ADGRV1: variants seen among roughly 807,000 people sequenced by gnomAD.
ADGRV1 encodes the protein adhesion G protein-coupled receptor V1.
A neutral mutation model predicts 596.2 loss-of-function variants in ADGRV1; 359 were observed. The ratio of observed to expected loss-of-function variants is 0.60; its 90% confidence interval spans 0.55 to 0.66. ADGRV1 has a LOEUF of 0.66. ADGRV1 is among the 30% of genes least tolerant of loss of function. The pLI, the probability that ADGRV1 is intolerant of heterozygous loss-of-function variation, is 0.00. For synonymous variants in ADGRV1, 2,681 were observed against 2,679.2 expected, an observed-to-expected ratio of 1.00 and a Z score of -0.02; for missense variants, 7,274 against 7,575.6, an observed-to-expected ratio of 0.96 and a Z score of 1.48.
At chr5:91,065,236 C>T (rs956244356) in intron 85 of ADGRV1, among the ~76,000 whole-genome samples, 1 of 152,192 alleles carries the variant, frequency 6.6e-6, no homozygotes, top group Non-Finnish European at 1.5e-5. Flanking sequence ...ACAAATGTAT[C>T]TTTTAATGTA....
At chr5:91,062,871 C>A (rs1787561838) in intron 85 of ADGRV1, among the ~76,000 whole-genome samples, 1 of 151,590 alleles carries the variant, frequency 6.6e-6, no homozygotes, top group African/African-American at 2.4e-5. Context: ...TGGCTCCCTA[C>A]CAAAGAGATG....
chr5:90,614,896 T>G lies in ADGRV1; in HGVS notation c.84T>G (p.Phe28Leu), dbSNP rs1251638958. Reference sequence around the variant, plus strand: ...CAGCTTTACTCATCCTATTTGTGTTTGGAGAAACAGAAATAAGATTTACTG... The same window carrying G: ...CAGCTTTACTCATCCTATTTGTGTTGGGAGAAACAGAAATAAGATTTACTG... ...LLSALLILFV[F>L]GETEIRFTGQ... is the part of the protein sequence containing the mutation. Residue 28 changes from phenylalanine to leucine, a missense_variant, in exon 2 of 90, where the codon TTT (phenylalanine) becomes TTG (leucine). Transcript: ENST00000405460. 3.1e-6 allele frequency: 5 copies of G among 1,609,866 alleles called. No homozygotes were observed. Among genetic ancestry groups the G allele is most frequent in the Non-Finnish European group, 4.2e-6 (5 of 1,177,526 alleles).
chr5:90,577,292 A>G (rs773802429), intron 1 of ADGRV1, among the ~76,000 whole-genome samples: 1 of 152,158 alleles, frequency 6.6e-6, no homozygotes, highest in Non-Finnish European at 1.5e-5. Context: ...TAATTTTTGT[A>G]TAAGGTACAA....
chr5:90,755,977 C>T (rs1755792428), intron 55 of ADGRV1, among the ~76,000 whole-genome samples: 1 of 150,982 alleles, frequency 6.6e-6, no homozygotes, highest in South Asian at 2.1e-4. Context: ...GGGTTTTCCC[C>T]CCCTTTTTAG....
intron 83 of ADGRV1, among the ~76,000 whole-genome samples, chr5:90,922,747 C>A (rs1458013109): frequency 3.3e-5 from 5 of 152,182 alleles, no homozygotes; most frequent in African/African-American, 1.2e-4. Flanking sequence ...AATGCTGGAC[C>A]CAACCTGACC....
At chr5:90,667,868 C>T (rs955056709) in intron 21 of ADGRV1, among the ~76,000 whole-genome samples, 8 of 151,954 alleles carry the variant, frequency 5.3e-5, no homozygotes, top group Non-Finnish European at 7.4e-5. Context: ...AGTACCCTGC[C>T]GTGTGAGGTG....
intron 85 of ADGRV1, among the ~76,000 whole-genome samples, chr5:91,036,148 TG>T (rs1379361163): frequency 2.6e-5 from 4 of 152,054 alleles, no homozygotes; most frequent in African/African-American, 4.8e-5. Flanking sequence ...AAACAGCTCT[TG>T]GTATTTTTTT....
At chr5:90,595,381 T>C (rs1234320698) in intron 1 of ADGRV1, among the ~76,000 whole-genome samples, 192 of 6,978 alleles carry the variant, frequency 0.028, no homozygotes, top group Admixed American at 0.1. Context: ...GCTGGCCGGG[T>C]GGGGGGCTGA....
intron 87 of ADGRV1, among the ~76,000 whole-genome samples, chr5:91,141,775 T>C (rs1186192478): frequency 6.6e-6 from 1 of 152,168 alleles, no homozygotes; most frequent in Non-Finnish European, 1.5e-5. Flanking sequence ...CAAGAGCTGT[T>C]TGAAGCCAGA....
At chr5:90,714,690 C>T (rs557744757) in intron 42 of ADGRV1, among the ~76,000 whole-genome samples, 48 of 152,134 alleles carry the variant, frequency 3.2e-4, no homozygotes, top group African/African-American at 1.1e-3. Context: ...ACCCTCATAT[C>T]GTACAGAGAA....
In ADGRV1 at chr5:90,729,722, G is replaced by A; in HGVS notation, c.10507G>A (p.Ala3503Thr). Reference protein sequence around the residue: ...FRYFQSVDFAAVNRIHSFTPA... With the variant: ...FRYFQSVDFATVNRIHSFTPA... ...GTATTTTCAGTCTGTAGATTTTGCT[G>A]CTGTTAACAGAATCCACTCCTTCAC... The change falls in exon 50 of 90, where the codon GCT (alanine) becomes ACT (threonine). Residue 3503 changes from alanine to threonine, a missense_variant. Physicochemically the swap from Ala to Thr is moderately conservative, Grantham distance 58. Transcript: ENST00000405460. 1 of 1,612,850 alleles carries A rather than the reference G, an allele frequency of 6.2e-7. No homozygotes were observed.
intron 85 of ADGRV1, among the ~76,000 whole-genome samples, chr5:91,034,600 T>C (rs1036434697): frequency 6.6e-6 from 1 of 152,194 alleles, no homozygotes; most frequent in Non-Finnish European, 1.5e-5. Flanking sequence ...TGGAAACTTG[T>C]GCTTCGAATT....
intron 87 of ADGRV1, among the ~76,000 whole-genome samples, chr5:91,148,151 C>T (rs1406207849): frequency 1.3e-5 from 2 of 152,178 alleles, no homozygotes; most frequent in Non-Finnish European, 2.9e-5. Context: ...GGAAAATTTG[C>T]AGCCTGACGA....
intron 84 of ADGRV1, among the ~76,000 whole-genome samples, chr5:90,969,041 C>T (rs1226449343): frequency 2.0e-5 from 3 of 151,054 alleles, no homozygotes; most frequent in Non-Finnish European, 4.4e-5. Context: ...ATATCCTATA[C>T]TTTTAGTGCC....
At chr5:90,578,788 A>C (rs557738460) in intron 1 of ADGRV1, among the ~76,000 whole-genome samples, 64 of 152,220 alleles carry the variant, frequency 4.2e-4, no homozygotes, top group Admixed American at 1.4e-3. Context: ...ATAATTTCAG[A>C]GCCTGTTATT....
chr5:90,822,190 C>A, intron 75 of ADGRV1: 1 of 153,754 alleles, frequency 6.5e-6, no homozygotes, highest in Non-Finnish European at 1.4e-5. Flanking sequence ...CAGGTGCGTC[C>A]GTCACCCCTT....
chr5:90,792,685 T>G (rs2150140887), intron 70 of ADGRV1: 1 of 152,294 alleles, frequency 6.6e-6, no homozygotes, highest in East Asian at 1.9e-4. Context: ...ATCAGCTACT[T>G]TGAAATTAAA....
At chr5:90,580,092 G>A (rs551479536) in intron 1 of ADGRV1, among the ~76,000 whole-genome samples, 1 of 152,056 alleles carries the variant, frequency 6.6e-6, no homozygotes, top group East Asian at 1.9e-4. Flanking sequence ...CTTTTAATTG[G>A]GGCATTTAAC....
In ADGRV1 at chr5:90,694,356, A is replaced by G; in HGVS notation, c.7600A>G (p.Met2534Val). 1.2e-6 allele frequency: 2 copies of G among 1,613,986 alleles called. No individual in the cohort carries two copies. Among genetic ancestry groups the G allele is most frequent in the East Asian group, 2.2e-5 (1 of 44,880 alleles). Residue 2534 changes from methionine (M) to valine (V), a missense_variant, in exon 33 of 90, where the codon ATG becomes GTG. Physicochemically the swap from Met to Val is conservative, Grantham distance 21. Transcript: ENST00000405460. Reference sequence around the variant, plus strand: ...TATTCTTCCTGATGATTTCCCAGAGATGGATGAGAGTTTTCTAATTTCTCT... The same window carrying G: ...TATTCTTCCTGATGATTTCCCAGAGGTGGATGAGAGTTTTCTAATTTCTCT... ...VSILPDDFPEMDESFLISLLE... is the reference protein window; with the variant it reads ...VSILPDDFPEVDESFLISLLE...
Sources: gnomAD v4.1 joint callset for allele counts (sites outside exome capture counted in the v4.1 genomes callset) on GRCh38, gnomAD v4.1.1 for gene constraint, MANE v1.5 for transcripts, NCBI Gene and HGNC (gene_info 2026-07-23, HGNC 2026-07-21) for gene names.